The following WRNIP1 variants were observed in gnomAD, a reference collection of about 807,000 sequenced individuals.
The protein encoded by WRNIP1 is WRN helicase interacting protein 1.
In WRNIP1, 41 loss-of-function variants were observed where a neutral mutation model predicts 56.1. The ratio of observed to expected loss-of-function variants is 0.73; its 90% CI spans 0.57 to 0.95. The LOEUF is 0.95. WRNIP1 is among the 40% of genes least tolerant of loss of function. The pLI is 0.00. For synonymous variants in WRNIP1, 547 were observed against 398.1 expected, an observed-to-expected ratio of 1.37 and a Z score of -4.45; for missense variants, 1,170 against 939.4, an observed-to-expected ratio of 1.25 and a Z score of -3.21.
At chr6:2,782,144 C>T (rs1328707839) in intron 4 of WRNIP1, among the ~76,000 whole-genome samples, 1 of 152,262 alleles carries the variant, frequency 6.6e-6, no homozygotes, top group Non-Finnish European at 1.5e-5. Context: ...CCTTCCTCCA[C>T]CCTGCAGAGG....
chr6:2,768,938 G>C, intron 2 of WRNIP1, 56 bp downstream of exon 2: 1 of 1,515,660 alleles, frequency 6.6e-7, no homozygotes, highest in Non-Finnish European at 8.9e-7. Flanking sequence ...AATATAAAGT[G>C]TGTGAGATCA....
In WRNIP1 at chr6:2,766,479, T is replaced by A. The variant is rs575547138; in HGVS notation, c.822+35T>A. 9 of 1,462,208 alleles carry A rather than the reference T, an allele frequency of 6.2e-6. No individual in the cohort carries two copies. In the South Asian group the frequency reaches 1.1e-4, roughly 18 times the overall value. 90.6% of individuals were successfully genotyped at this position (1,462,208 alleles called of 1,614,324 possible). A position where few individuals can be genotyped will look rare whatever the true frequency, so the allele number is the denominator to read the frequency against. The stretch of plus-strand genomic sequence containing the variant: ...GCCTTGGCCGTTGGGCTTCCGTAGT[T>A]ATCTCGGCGGTGGATGCAGCTGATG... On this transcript the variant is annotated intron_variant, in intron 1 of 6. Transcript: ENST00000380773.
chr6:2,778,167 C>T (rs892675028), intron 3 of WRNIP1, among the ~76,000 whole-genome samples: 2 of 152,160 alleles, frequency 1.3e-5, no homozygotes. Flanking sequence ...GGGTCCCCTT[C>T]GGAAACTGCC....
intron 3 of WRNIP1, among the ~76,000 whole-genome samples, chr6:2,777,901 A>G (rs1765469366): frequency 6.6e-6 from 1 of 152,154 alleles, no homozygotes; most frequent in Non-Finnish European, 1.5e-5. Flanking sequence ...GGCAGTTGGC[A>G]TGAGTGAGGA....
rs1452083955 is a variant in WRNIP1 at position 2,785,288 on chromosome 6, C to T, written c.*6C>T. On this transcript the variant is annotated 3_prime_UTR_variant, in exon 7 of 7. Coordinates refer to ENST00000380773, the MANE Select transcript of WRNIP1 (RefSeq NM_020135.3). The stretch of plus-strand genomic sequence containing the variant: ...TCAAGCAGAGGAGGTGCTGACTCCT[C>T]AGGGCACGACAGCAGAAGGATGTTG... 6.8e-6 allele frequency: 11 copies of T among 1,609,884 alleles called. No homozygotes were observed. The highest frequency in any genetic ancestry group is 9.3e-6 in the Non-Finnish European group (11 of 1,177,002).
intron 1 of WRNIP1, among the ~76,000 whole-genome samples, chr6:2,766,888 C>G (rs1039160993): frequency 2.0e-5 from 3 of 151,718 alleles, no homozygotes; most frequent in Admixed American, 2.0e-4. Flanking sequence ...CAAATTAATT[C>G]TGTTGTGCTT....
chr6:2,766,961 T>G (rs1765037981), intron 1 of WRNIP1, among the ~76,000 whole-genome samples: 1 of 152,256 alleles, frequency 6.6e-6, no homozygotes, highest in South Asian at 2.1e-4. Context: ...ATAAGTTTAT[T>G]TAACATTCTT....
rs766057860 is a variant in WRNIP1 at position 2,765,579 on chromosome 6, G to T, written c.-44G>T. On this transcript the variant is annotated 5_prime_UTR_variant, in exon 1 of 7. Transcript: ENST00000380773. ...CATCGAAGGCCTCCGCGTGCGCACG[G>T]GTTGCTGCGGCCGCGCCGGGCGCCG... is the stretch of plus-strand genomic sequence containing the variant. 6 of 1,441,468 alleles carry T rather than the reference G, an allele frequency of 4.2e-6. No homozygotes were observed. The highest frequency in any genetic ancestry group is 3.1e-5 in the East Asian group (1 of 32,476). 89.3% of individuals were successfully genotyped at this position (1,441,468 alleles called of 1,614,324 possible).
chr6:2,770,809 T>TA (rs1225348859), intron 3 of WRNIP1, among the ~76,000 whole-genome samples: 1,781 of 147,112 alleles, frequency 0.012, 25 homozygotes, highest in African/African-American at 0.034. Flanking sequence ...AGCATTTTGT[T>TA]AAAAAAAAAA....
chr6:2,786,626 A>G lies in WRNIP1; in HGVS notation c.*1344A>G, dbSNP rs768163357. On this transcript the variant is annotated 3_prime_UTR_variant, in exon 7 of 7. Transcript: ENST00000380773. The stretch of plus-strand genomic sequence containing the variant: ...GTATTTTTAGACCTCAGGAGACTCA[A>G]AATGCTTTTATTGTACCTTCAGACG... 23 of 152,252 alleles carry G rather than the reference A, an allele frequency of 1.5e-4. No individual in the cohort carries two copies. Among genetic ancestry groups the G allele is most frequent in the African/African-American group, 5.3e-4 (22 of 41,462 alleles). The allele number at this position is 152,252 out of a possible 1,614,324, so 9.4% of individuals were successfully genotyped here. A position where few individuals can be genotyped will look rare whatever the true frequency, so the allele number is the denominator to read the frequency against.
chr6:2,779,526 T>C, intron 4 of WRNIP1, 34 bp downstream of exon 4: 1 of 1,588,530 alleles, frequency 6.3e-7, no homozygotes, highest in Non-Finnish European at 8.6e-7. Context: ...AGTGAAACCA[T>C]ACGGAAAGAA....
intron 3 of WRNIP1, chr6:2,773,416 T>G: frequency 1.0e-6 from 1 of 985,348 alleles, no homozygotes; most frequent in Non-Finnish European, 1.2e-6. Context: ...ACCTCCTAGA[T>G]GAGGGGATGC....
intron 4 of WRNIP1, among the ~76,000 whole-genome samples, chr6:2,782,334 A>G (rs2113482490): frequency 6.6e-6 from 1 of 152,338 alleles, no homozygotes; most frequent in South Asian, 2.1e-4. Flanking sequence ...TGACCCATCC[A>G]TCTGCCCTGG....
rs1302385402 is a variant in WRNIP1, at chr6:2,784,867, A to G, written c.1723-140A>G. 4 of 1,115,952 alleles carry G rather than the reference A, an allele frequency of 3.6e-6. No individual in the cohort carries two copies. In the Admixed American group the frequency reaches 7.0e-5, roughly 20 times the overall value. The allele number at this position is 1,115,952 out of a possible 1,614,324, so 69.1% of individuals were successfully genotyped here. On this transcript the variant is annotated intron_variant, in intron 6 of 6. Transcript: ENST00000380773. ...TTCTGTCTGTCGTAGGTGGTTATCCAGACTGTAGGCGCAAAAGGGGGATAA... is the reference window on the plus strand; with the variant it reads ...TTCTGTCTGTCGTAGGTGGTTATCCGGACTGTAGGCGCAAAAGGGGGATAA...
In WRNIP1 at chr6:2,785,518, TTG is replaced by T; in HGVS notation, c.*239_*240del. ...ATGCTTATGAAAATACCTGGCAGCT[TTG>T]TGCAATGAATTAATGTTATAAGGAA... On this transcript the variant is annotated 3_prime_UTR_variant, in exon 7 of 7. Transcript: ENST00000380773. The T allele has an allele frequency of 1.9e-6, 1 of 536,352 alleles. No homozygotes were observed. Among genetic ancestry groups the T allele is most frequent in the Non-Finnish European group, 3.3e-6 (1 of 303,532 alleles). The allele number at this position is 536,352 out of a possible 1,614,324, so 33.2% of individuals were successfully genotyped here. A position where few individuals can be genotyped will look rare whatever the true frequency, so the allele number is the denominator to read the frequency against.
chr6:2,781,204 G>C (rs1472658692), intron 4 of WRNIP1, among the ~76,000 whole-genome samples: 1 of 152,210 alleles, frequency 6.6e-6, no homozygotes, highest in Non-Finnish European at 1.5e-5. Context: ...CCCACTTCCT[G>C]AGCTCCACGT....
intron 4 of WRNIP1, among the ~76,000 whole-genome samples, chr6:2,782,289 C>T (rs923928640): frequency 2.0e-5 from 3 of 152,258 alleles, no homozygotes; most frequent in Admixed American, 1.3e-4. Context: ...GCACAGGAGA[C>T]ACTCAGTTTG....
chr6:2,773,121 G>A, intron 3 of WRNIP1: 1 of 985,410 alleles, frequency 1.0e-6, no homozygotes, highest in Non-Finnish European at 1.2e-6. Flanking sequence ...GGAATTGTGA[G>A]TTGTCACACA....
rs1765702373 is a variant in WRNIP1 at position 2,786,024 on chromosome 6, A to G, written c.*742A>G. ...TCTTCTTGCAGCTCCATATTTCTAAACAGTCGTTTTTCTTTTACTTTATGT... is the reference window on the plus strand; with the variant it reads ...TCTTCTTGCAGCTCCATATTTCTAAGCAGTCGTTTTTCTTTTACTTTATGT... On this transcript the variant is annotated 3_prime_UTR_variant, in exon 7 of 7. Coordinates refer to ENST00000380773, the MANE Select transcript of WRNIP1 (RefSeq NM_020135.3). 6.6e-6 allele frequency: 1 copy of G among 151,996 alleles called. No individual in the cohort carries two copies. Among genetic ancestry groups the G allele is most frequent in the African/African-American group, 2.4e-5 (1 of 41,394 alleles). The allele number at this position is 151,996 out of a possible 1,614,324, so 9.4% of individuals were successfully genotyped here.
Sources: gnomAD v4.1 joint callset for allele counts (sites outside exome capture counted in the v4.1 genomes callset) on GRCh38, gnomAD v4.1.1 for gene constraint, MANE v1.5 for transcripts, NCBI Gene and HGNC (gene_info 2026-07-23, HGNC 2026-07-21) for gene names.